NBDY: variants seen among roughly 807,000 people sequenced by gnomAD.
NBDY encodes negative regulator of P-body association.
At position 56,813,104 on chromosome X, in the gene NBDY, G is replaced by A. The variant is rs770607127; in HGVS notation, c.*167-4216G>A. Among the ~76,000 whole-genome samples, 3 of 111,066 alleles carry A rather than the reference G, an allele frequency of 2.7e-5. No homozygotes were observed. In the Admixed American group the frequency reaches 2.9e-4, roughly 11 times the overall value. On this transcript the variant is annotated intron_variant, in intron 2 of 2. Transcript: ENST00000374922. ...CCTAATGTGAATGATGAGTTAATGG[G>A]TGCAGAACACCAACATGGCACATGT...
At chrX:56,733,899 A>G (rs986663593) in intron 2 of NBDY, among the ~76,000 whole-genome samples, 1 of 112,243 alleles carries the variant, frequency 8.9e-6, no homozygotes, top group African/African-American at 3.2e-5. Flanking sequence ...AAAGCTACAC[A>G]CAGGATGCCC....
At chrX:56,788,882 G>A (rs2069745232) in intron 2 of NBDY, among the ~76,000 whole-genome samples, 1 of 112,335 alleles carries the variant, frequency 8.9e-6, no homozygotes, top group Non-Finnish European at 1.9e-5. Flanking sequence ...CCAGTGGCAG[G>A]CACTCTTTGT....
At chrX:56,763,484 ACT>A (rs1312689532) in intron 2 of NBDY, among the ~76,000 whole-genome samples, 1 of 111,830 alleles carries the variant, frequency 8.9e-6, no homozygotes, top group Non-Finnish European at 1.9e-5. Context: ...AAGGCGGTAA[ACT>A]CTACCTGGAG....
intron 2 of NBDY, among the ~76,000 whole-genome samples, chrX:56,783,260 G>C (rs1279372928): frequency 8.9e-6 from 1 of 112,847 alleles, no homozygotes; most frequent in Non-Finnish European, 1.9e-5. Flanking sequence ...GCCAGCCATG[G>C]CTTCCCCTGG....
intron 2 of NBDY, among the ~76,000 whole-genome samples, chrX:56,758,190 A>C (rs1297494402): frequency 9.1e-6 from 1 of 110,025 alleles, no homozygotes; most frequent in African/African-American, 3.3e-5. Flanking sequence ...AAAAATTAGC[A>C]TGTAATCTCA....
intron 2 of NBDY, among the ~76,000 whole-genome samples, chrX:56,800,684 T>A (rs749622250): frequency 8.0e-5 from 9 of 111,859 alleles, no homozygotes; most frequent in Non-Finnish European, 1.7e-4. Flanking sequence ...GGAGTTTTTC[T>A]TCCTTCACTT....
chrX:56,788,554 C>A (rs1051237430), intron 2 of NBDY, among the ~76,000 whole-genome samples: 1 of 112,276 alleles, frequency 8.9e-6, no homozygotes, highest in Non-Finnish European at 1.9e-5. Flanking sequence ...CCATGGCTTC[C>A]CCTGGCAGTT....
chrX:56,808,208 A>T (rs5960211), intron 2 of NBDY, among the ~76,000 whole-genome samples: 63,326 of 110,773 alleles, frequency 0.57, 15,539 homozygotes, highest in Non-Finnish European at 0.78. Flanking sequence ...GCTGCCTAAA[A>T]TCCTCTTTCT....
intron 2 of NBDY, among the ~76,000 whole-genome samples, chrX:56,747,890 A>T (rs753580472): frequency 1.8e-5 from 2 of 111,463 alleles, no homozygotes; most frequent in East Asian, 5.7e-4. Flanking sequence ...TCAACCAGAG[A>T]AATAGAACCA....
At chrX:56,742,704 A>C (rs766511134) in intron 2 of NBDY, among the ~76,000 whole-genome samples, 1 of 111,801 alleles carries the variant, frequency 8.9e-6, no homozygotes. Context: ...TACTGAATTT[A>C]TCAGTTCTTA....
At position 56,753,661 on chromosome X, in the gene NBDY, G is replaced by A. The variant is rs142758742; in HGVS notation, c.*166+21462G>A. Among the ~76,000 whole-genome samples, 354 of 111,796 alleles carry A rather than the reference G, an allele frequency of 3.2e-3. 1 individual carries two copies. The highest frequency in any genetic ancestry group is 0.011 in the African/African-American group (330 of 30,814). ...GAATTGACAAAAAAAAGTAAAAAAG[G>A]TAAGCAGAAAATGAGGATTCCTGAA... On this transcript the variant is annotated intron_variant, in intron 2 of 2. Transcript: ENST00000374922.
At chrX:56,759,310 C>T (rs1164939097) in intron 2 of NBDY, among the ~76,000 whole-genome samples, 1 of 111,669 alleles carries the variant, frequency 9.0e-6, no homozygotes, top group Non-Finnish European at 1.9e-5. Context: ...GATTATGTGT[C>T]CTTTGTCATT....
chrX:56,813,333 AG>A (rs2069896220), intron 2 of NBDY, among the ~76,000 whole-genome samples: 1 of 110,795 alleles, frequency 9.0e-6, no homozygotes, highest in African/African-American at 3.3e-5. Flanking sequence ...AGCCTTGGCA[AG>A]TTGTGTCCTG....
chrX:56,808,428 A>G (rs745618154), intron 2 of NBDY, among the ~76,000 whole-genome samples: 4 of 111,839 alleles, frequency 3.6e-5, no homozygotes, highest in Non-Finnish European at 7.5e-5. Flanking sequence ...TGCTCCCTCA[A>G]TTTCAGAGCC....
chrX:56,759,530 T>C (rs942103929), intron 2 of NBDY, among the ~76,000 whole-genome samples: 9 of 110,035 alleles, frequency 8.2e-5, no homozygotes, highest in Admixed American at 6.8e-4. Flanking sequence ...TTTTTTCACA[T>C]GGGAAAAGGC....
intron 2 of NBDY, among the ~76,000 whole-genome samples, chrX:56,802,834 G>A (rs1284994406): frequency 8.9e-6 from 1 of 112,738 alleles, no homozygotes; most frequent in Non-Finnish European, 1.9e-5. Flanking sequence ...GAGGATTTCC[G>A]CAGTGTCTCC....
chrX:56,802,872 C>T (rs1450190557), intron 2 of NBDY, among the ~76,000 whole-genome samples: 1 of 112,670 alleles, frequency 8.9e-6, no homozygotes, highest in Non-Finnish European at 1.9e-5. Flanking sequence ...TCGTAGGGTC[C>T]CTTAAGTTTG....
In NBDY at chrX:56,817,866, A is replaced by G. The variant is rs2069917793; in HGVS notation, c.*713A>G. 8.9e-6 allele frequency: 1 copy of G among 111,807 alleles called. No individual in the cohort carries two copies. Among genetic ancestry groups the G allele is most frequent in the Admixed American group, 9.5e-5 (1 of 10,472 alleles). 9.2% of individuals were successfully genotyped at this position (111,807 alleles called of 1,213,427 possible). A position where few individuals can be genotyped will look rare whatever the true frequency, so the allele number is the denominator to read the frequency against. ...GCTAATCCTCATCCTAGTATTTTAC[A>G]TCTTAACTATTTTTTTCTGACTGAA... On this transcript the variant is annotated 3_prime_UTR_variant, in exon 3 of 3. Coordinates refer to ENST00000374922, the MANE Select transcript of NBDY (RefSeq NM_001348129.2).
At chrX:56,804,731 T>C in intron 2 of NBDY, among the ~76,000 whole-genome samples, 1 of 111,587 alleles carries the variant, frequency 9.0e-6, no homozygotes, top group South Asian at 3.8e-4. Flanking sequence ...GCCTGGAAAA[T>C]GGATGAGACA....
Sources: gnomAD v4.1 joint callset for allele counts (sites outside exome capture counted in the v4.1 genomes callset) on GRCh38, gnomAD v4.1.1 for gene constraint, MANE v1.5 for transcripts, NCBI Gene and HGNC (gene_info 2026-07-23, HGNC 2026-07-21) for gene names.